The following PTPRM variants were observed in gnomAD, a reference collection of about 807,000 sequenced individuals.
PTPRM encodes the protein receptor-type tyrosine-protein phosphatase mu.
A neutral mutation model predicts 186.7 loss-of-function variants in PTPRM; 47 were observed. The observed-to-expected ratio is 0.25, with a 90% CI of 0.20 to 0.32. The LOEUF is 0.32. Among genes scored for constraint, PTPRM ranks in the 10% least tolerant of loss-of-function variants. The pLI is 1.00. For missense variants in PTPRM, 1,494 were observed against 1,865.0 expected, an observed-to-expected ratio of 0.80 and a Z score of 3.66; for synonymous variants, 668 against 674.9, an observed-to-expected ratio of 0.99 and a Z score of 0.16.
intron 7 of PTPRM, among the ~76,000 whole-genome samples, chr18:8,002,988 A>C (rs1197733501): frequency 6.6e-6 from 1 of 152,210 alleles, no homozygotes; most frequent in Non-Finnish European, 1.5e-5. Context: ...ATTCTCTATT[A>C]GGACCAAAAA....
At chr18:7,939,138 G>A (rs745438790) in intron 5 of PTPRM, among the ~76,000 whole-genome samples, 2 of 152,082 alleles carry the variant, frequency 1.3e-5, no homozygotes, top group Non-Finnish European at 2.9e-5. Flanking sequence ...TAGTGATGTC[G>A]GTGGTAAGAA....
intron 2 of PTPRM, among the ~76,000 whole-genome samples, chr18:7,885,884 A>G (rs1367058519): frequency 3.3e-5 from 5 of 152,202 alleles, no homozygotes; most frequent in South Asian, 2.1e-4. Context: ...CCTTAACAGT[A>G]ATGGTAGAAA....
intron 31 of PTPRM, among the ~76,000 whole-genome samples, chr18:8,387,562 G>T (rs915743508): frequency 6.6e-6 from 1 of 151,284 alleles, no homozygotes; most frequent in African/African-American, 2.4e-5. Context: ...GGAATTTTCT[G>T]AGCTGGGTCT....
At chr18:7,627,360 T>A (rs537308244) in intron 1 of PTPRM, among the ~76,000 whole-genome samples, 162 of 152,244 alleles carry the variant, frequency 1.1e-3, no homozygotes, top group African/African-American at 3.7e-3. Context: ...CGGGGAAGCA[T>A]TTTATTCCTC....
At chr18:7,682,235 G>A (rs746485187) in intron 1 of PTPRM, among the ~76,000 whole-genome samples, 4 of 152,042 alleles carry the variant, frequency 2.6e-5, no homozygotes, top group Non-Finnish European at 5.9e-5. Context: ...TATTCTGGCC[G>A]GAGGATACCC....
chr18:8,017,699 A>G (rs752242345), intron 7 of PTPRM: 1 of 152,144 alleles, frequency 6.6e-6, no homozygotes, highest in East Asian at 1.9e-4. Flanking sequence ...GAGGAAAACA[A>G]GTTCCCAGGA....
chr18:8,232,458 A>T (rs1485043184), intron 14 of PTPRM, among the ~76,000 whole-genome samples: 1 of 152,230 alleles, frequency 6.6e-6, no homozygotes, highest in African/African-American at 2.4e-5. Flanking sequence ...TCCTTTGGGT[A>T]AATAGCAAGG....
chr18:8,201,493 T>C (rs2093856071), intron 14 of PTPRM, among the ~76,000 whole-genome samples: 1 of 152,238 alleles, frequency 6.6e-6, no homozygotes, highest in South Asian at 2.1e-4. Flanking sequence ...GTGGTGCTAT[T>C]ACTATATCTA....
chr18:7,691,019 C>A (rs1348707995), intron 1 of PTPRM, among the ~76,000 whole-genome samples: 1 of 152,056 alleles, frequency 6.6e-6, no homozygotes, highest in African/African-American at 2.4e-5. Context: ...AAAATATTTA[C>A]CTTTTTTTCA....
intron 1 of PTPRM, among the ~76,000 whole-genome samples, chr18:7,650,922 A>T (rs541756123): frequency 6.8e-6 from 1 of 147,994 alleles, no homozygotes; most frequent in East Asian, 2.0e-4. Flanking sequence ...CAATAAGATA[A>T]GAGAAATATC....
At chr18:7,929,960 CTTATTT>C (rs2051384141) in intron 5 of PTPRM, among the ~76,000 whole-genome samples, 1 of 152,158 alleles carries the variant, frequency 6.6e-6, no homozygotes, top group African/African-American at 2.4e-5. Context: ...AAGAAAAGAA[CTTATTT>C]TTAGTTTTTT....
intron 19 of PTPRM, among the ~76,000 whole-genome samples, chr18:8,280,238 G>A (rs980361862): frequency 2.6e-5 from 4 of 152,084 alleles, no homozygotes; most frequent in African/African-American, 7.2e-5. Context: ...GTCTCTGTGT[G>A]CCCTACTCAC....
intron 22 of PTPRM, among the ~76,000 whole-genome samples, chr18:8,337,016 G>T (rs887764941): frequency 6.6e-6 from 1 of 152,018 alleles, no homozygotes; most frequent in Non-Finnish European, 1.5e-5. Flanking sequence ...GAAAAGAAAA[G>T]AGAAAAGAAG....
chr18:7,946,832 A>G (rs1337605767), intron 5 of PTPRM: 3 of 411,494 alleles, frequency 7.3e-6, no homozygotes, highest in East Asian at 1.4e-4. Context: ...TTTCCTTCCA[A>G]GTGGCAGGAA....
At chr18:8,184,626 A>C (rs552451182) in intron 14 of PTPRM, among the ~76,000 whole-genome samples, 1 of 152,374 alleles carries the variant, frequency 6.6e-6, no homozygotes, top group African/African-American at 2.4e-5. Context: ...CCAAGAAGCT[A>C]AGGAAGACAA....
intron 13 of PTPRM, among the ~76,000 whole-genome samples, chr18:8,132,549 G>A (rs2145956750): frequency 6.6e-6 from 1 of 151,860 alleles, no homozygotes; most frequent in African/African-American, 2.4e-5. Flanking sequence ...ACATTTCTCT[G>A]TTTTTTACTT....
At chr18:7,867,993 T>TGATG (rs1356418170) in intron 2 of PTPRM, among the ~76,000 whole-genome samples, 13 of 152,320 alleles carry the variant, frequency 8.5e-5, no homozygotes, top group African/African-American at 2.4e-4. Context: ...GATTTGGCTA[T>TGATG]TGATACTTGT....
chr18:8,088,342 A>G (rs1720573874), intron 10 of PTPRM, among the ~76,000 whole-genome samples: 1 of 152,202 alleles, frequency 6.6e-6, no homozygotes. Context: ...ATAAAGTCCA[A>G]TGATTATTTC....
At chr18:7,609,851 A>G (rs1179596868) in intron 1 of PTPRM, among the ~76,000 whole-genome samples, 1 of 152,150 alleles carries the variant, frequency 6.6e-6, no homozygotes, top group Non-Finnish European at 1.5e-5. Context: ...AACTGGCCTC[A>G]CCAGATGGTG....
Sources: allele counts gnomAD v4.1 joint callset (sites outside exome capture counted in the v4.1 genomes callset), GRCh38; gene constraint gnomAD v4.1.1; transcripts MANE v1.5; gene names NCBI Gene and HGNC (gene_info 2026-07-23, HGNC 2026-07-21).